Variants in SENP6 observed in about 807,000 individuals in gnomAD.
SENP6 encodes SUMO specific peptidase 6, also known as sentrin-specific protease 6.
Under a neutral mutation model 134.5 loss-of-function variants are expected in SENP6, and 41 were observed. The ratio of observed to expected loss-of-function variants is 0.30; its 90% CI spans 0.24 to 0.40. The LOEUF (loss-of-function observed/expected upper bound fraction) is 0.40, where lower values mean the gene tolerates loss of function less well. Among genes scored for constraint, SENP6 ranks in the 10% least tolerant of loss-of-function variants. SENP6 has a pLI of 1.00. For synonymous variants in SENP6, 395 were observed against 429.8 expected (o/e 0.92, Z 1.00); for missense variants, 1,248 against 1,312.5 (o/e 0.95, Z 0.76).
chr6:75,659,736 CTTG>C (rs1355332259), intron 8 of SENP6, among the ~76,000 whole-genome samples: 5 of 152,100 alleles, frequency 3.3e-5, no homozygotes, highest in South Asian at 2.1e-4. Context: ...TCCCAGATTC[CTTG>C]TTGTTCACAT....
At chr6:75,604,630 A>G (rs565492079) in intron 1 of SENP6, among the ~76,000 whole-genome samples, 1 of 151,680 alleles carries the variant, frequency 6.6e-6, no homozygotes, top group Non-Finnish European at 1.5e-5. Context: ...GTCTCCAAAA[A>G]AAAAAAGCAT....
At position 75,709,551 on chromosome 6, in the gene SENP6, A is replaced by C. The variant is rs774052151; in HGVS notation, c.2741A>C (p.Asn914Thr). 6.2e-7 allele frequency: 1 copy of C among 1,613,910 alleles called. No homozygotes were observed. Among genetic ancestry groups the C allele is most frequent in the South Asian group, 1.1e-5 (1 of 91,060 alleles). The change falls in exon 20 of 24, where the codon AAC (asparagine) becomes ACC (threonine). Residue 914 changes from asparagine to threonine, a missense_variant. This residue lies in a region of SENP6 where 386 missense variants were observed against 395.0 expected (regional missense o/e 0.98). Coordinates refer to ENST00000447266, the MANE Select transcript of SENP6 (RefSeq NM_015571.4). ...GATGGCTTAAGCAAAATCAGACTAAACTATAGCGATGAATCACCTGAAGCT... is the reference window on the plus strand; with the variant it reads ...GATGGCTTAAGCAAAATCAGACTAACCTATAGCGATGAATCACCTGAAGCT... The part of the protein sequence containing the change: ...HTDGLSKIRL[N>T]YSDESPEAGK...
chr6:75,607,069 C>T (rs1184746500), intron 1 of SENP6, among the ~76,000 whole-genome samples: 5 of 152,048 alleles, frequency 3.3e-5, no homozygotes, highest in African/African-American at 4.8e-5. Context: ...GGTCAATAGC[C>T]GGGCATGGTG....
At chr6:75,652,304 C>T (rs1333623354) in intron 7 of SENP6, among the ~76,000 whole-genome samples, 1 of 151,958 alleles carries the variant, frequency 6.6e-6, no homozygotes, top group Non-Finnish European at 1.5e-5. Flanking sequence ...AGCCACCACG[C>T]CCAGCTGCAA....
At chr6:75,647,872 A>G (rs1306895015) in intron 7 of SENP6, 71 bp downstream of exon 7, 1 of 1,196,736 alleles carries the variant, frequency 8.4e-7, no homozygotes, top group East Asian at 2.4e-5. Context: ...TGGAGATACG[A>G]TGCTGGCTTT....
rs149695094 is a variant in SENP6 at position 75,693,946 on chromosome 6, AT to A, written c.2076-1857del. Among the ~76,000 whole-genome samples the A allele has an allele frequency of 2.7e-3, 408 of 152,252 alleles. 4 individuals carry two copies. In the East Asian group the frequency reaches 0.035, roughly 13 times the overall value. On this transcript the variant is annotated intron_variant, in intron 16 of 23. Transcript: ENST00000447266. The stretch of plus-strand genomic sequence containing the variant: ...TGTTTTGCTATAGATGTATAAAAAA[AT>A]AACTAAGGCAATAAAAACTTAGAAC...
chr6:75,602,964 CT>C (rs1766751010), intron 1 of SENP6, among the ~76,000 whole-genome samples: 1 of 152,218 alleles, frequency 6.6e-6, no homozygotes, highest in African/African-American at 2.4e-5. Flanking sequence ...TTGGGTGCAA[CT>C]GGGGACCAAT....
rs200483413 is a variant in SENP6, at chr6:75,633,689, A to G, written c.316A>G (p.Ile106Val). 35 of 1,611,776 alleles carry G rather than the reference A, an allele frequency of 2.2e-5. No individual in the cohort carries two copies. Among genetic ancestry groups the G allele is most frequent in the African/African-American group, 1.1e-4 (8 of 74,756 alleles). The change falls in exon 4 of 24, where the codon ATT becomes GTT. Residue 106 changes from isoleucine to valine, a missense_variant. By Grantham distance (29) the Ile-to-Val change is conservative. Coordinates refer to ENST00000447266, the MANE Select transcript of SENP6 (RefSeq NM_015571.4). ...ESFKTLKGNP[I>V]GLNMLSNNKK... ...TTTTAAAACTTTGAAAGGCAACCCAATTGGACTTAACATGTTGAGCAACAA... is the reference window on the plus strand; with the variant it reads ...TTTTAAAACTTTGAAAGGCAACCCAGTTGGACTTAACATGTTGAGCAACAA...
chr6:75,708,963 G>GT (rs899129561), intron 19 of SENP6, among the ~76,000 whole-genome samples: 131 of 152,168 alleles, frequency 8.6e-4, no homozygotes, highest in African/African-American at 3.1e-3. Flanking sequence ...TTTGAAACAT[G>GT]TTGTGATTAG....
chr6:75,701,054 T>G (rs147523286), intron 18 of SENP6, among the ~76,000 whole-genome samples: 253 of 152,308 alleles, frequency 1.7e-3, no homozygotes, highest in Middle Eastern at 6.8e-3. Context: ...TGCTGTTTGA[T>G]GAAGAGATAG....
chr6:75,634,042 T>C (rs1769316325), intron 4 of SENP6, among the ~76,000 whole-genome samples: 1 of 152,154 alleles, frequency 6.6e-6, no homozygotes. Flanking sequence ...TGTGGTCATG[T>C]CTCCTTTAGG....
intron 18 of SENP6, among the ~76,000 whole-genome samples, chr6:75,698,689 A>G (rs1774818352): frequency 6.6e-6 from 1 of 152,184 alleles, no homozygotes; most frequent in Non-Finnish European, 1.5e-5. Flanking sequence ...ATAACATTTA[A>G]AACTAGTTAA....
intron 1 of SENP6, among the ~76,000 whole-genome samples, chr6:75,616,470 C>A (rs1354335765): frequency 1.3e-5 from 2 of 152,018 alleles, no homozygotes; most frequent in Non-Finnish European, 2.9e-5. Flanking sequence ...TGTACACAGC[C>A]AGGTGTGGTG....
At chr6:75,702,160 C>T (rs1775078757) in intron 18 of SENP6, among the ~76,000 whole-genome samples, 1 of 150,512 alleles carries the variant, frequency 6.6e-6, no homozygotes. Flanking sequence ...TGTTCTGTTA[C>T]TGAATCAGTG....
intron 1 of SENP6, among the ~76,000 whole-genome samples, chr6:75,605,032 C>A (rs922339572): frequency 1.5e-4 from 23 of 152,218 alleles, no homozygotes; most frequent in Non-Finnish European, 1.5e-5. Context: ...GAGATCGCAC[C>A]ATTCGCACTC....
At chr6:75,626,068 G>A (rs996514749) in intron 3 of SENP6, among the ~76,000 whole-genome samples, 1 of 152,024 alleles carries the variant, frequency 6.6e-6, no homozygotes, top group Admixed American at 6.6e-5. Flanking sequence ...ATATTTTTAA[G>A]TAATTTGAAA....
chr6:75,702,978 C>A lies in SENP6; in HGVS notation c.2622C>A (p.Phe874Leu), dbSNP rs962689800. ...ATACTGCGAGTGAAAATGAAGAATT[C>A]AATAAAGGAGAATCTACATCCCAGA... ...INHTASENEEFNKGESTSQKV... is the reference protein window; with the variant it reads ...INHTASENEELNKGESTSQKV... Residue 874 changes from phenylalanine to leucine, a missense_variant, in exon 19 of 24, where the codon TTC becomes TTA. Phe to Leu is a conservative substitution (Grantham distance 22). Transcript: ENST00000447266. 1 of 1,613,580 alleles carries A rather than the reference C, an allele frequency of 6.2e-7. No homozygotes were observed. The highest frequency in any genetic ancestry group is 8.5e-7 in the Non-Finnish European group (1 of 1,179,708).
rs761165996 is a variant in SENP6 at position 75,702,935 on chromosome 6, G to C, written c.2579G>C (p.Ser860Thr). ...AGAAACATATGCAGTGTAAAATACA[G>C]TGTGAAAAAAATAAATCATACTGCG... ...YKRNICSVKY[S>T]VKKINHTASE... Residue 860 changes from serine to threonine, a missense_variant, in exon 19 of 24, where the codon AGT becomes ACT. Around this residue, in one of 3 missense-constraint regions of SENP6, gnomAD observed 386 missense variants for 395.0 expected, o/e 0.98. Transcript: ENST00000447266. 13 of 1,614,022 alleles carry C rather than the reference G, an allele frequency of 8.1e-6. No homozygotes were observed. Among genetic ancestry groups the C allele is most frequent in the African/African-American group, 1.3e-5 (1 of 75,032 alleles).
chr6:75,673,319 CTTTT>C (rs373435139), intron 11 of SENP6, among the ~76,000 whole-genome samples: 1 of 116,956 alleles, frequency 8.6e-6, no homozygotes, highest in Admixed American at 9.9e-5. Flanking sequence ...CCAATGTCTA[CTTTT>C]TTTTTTTTTT....
Sources: gnomAD v4.1 joint callset for allele counts (sites outside exome capture counted in the v4.1 genomes callset) on GRCh38, gnomAD v4.1.1 for gene constraint, gnomAD v4.1.1 regional missense constraint, MANE v1.5 for transcripts, NCBI Gene and HGNC (gene_info 2026-07-23, HGNC 2026-07-21) for gene names.